TOP6BL: variants seen among roughly 807,000 people sequenced by gnomAD.
TOP6BL encodes the protein type 2 DNA topoisomerase 6 subunit B-like.
At chr11:66,753,701 C>T in the TOP6BL span, among the ~76,000 whole-genome samples, 21 of 148,520 alleles carry the variant, frequency 1.4e-4, no homozygotes, top group African/African-American at 3.7e-4. Context: ...CCACCGCGCC[C>T]GGCCATGTTT....
the TOP6BL span, among the ~76,000 whole-genome samples, chr11:66,820,836 T>C: frequency 1.3e-5 from 2 of 152,320 alleles, no homozygotes; most frequent in African/African-American, 4.8e-5. Context: ...TAAAAAATAA[T>C]GTCATTCTCC....
the TOP6BL span, among the ~76,000 whole-genome samples, chr11:66,815,079 A>G: frequency 6.6e-6 from 1 of 152,184 alleles, no homozygotes; most frequent in African/African-American, 2.4e-5. Flanking sequence ...TTCTGCGGCT[A>G]TGACTGGTAT....
chr11:66,836,700 A>AC, the TOP6BL span, among the ~76,000 whole-genome samples: 1 of 107,656 alleles, frequency 9.3e-6, no homozygotes, highest in Non-Finnish European at 1.8e-5. Context: ...AGAAAATATG[A>AC]TTTTTTTTTT....
At chr11:66,809,450 C>T in the TOP6BL span, among the ~76,000 whole-genome samples, 3 of 152,070 alleles carry the variant, frequency 2.0e-5, no homozygotes, top group South Asian at 2.1e-4. Context: ...TTATAATCCA[C>T]GTAACAAGAA....
At chr11:66,778,276 G>A in the TOP6BL span, among the ~76,000 whole-genome samples, 14 of 151,768 alleles carry the variant, frequency 9.2e-5, no homozygotes, top group African/African-American at 2.4e-4. Context: ...ACACCATGAT[G>A]TACAAATCCC....
the TOP6BL span, among the ~76,000 whole-genome samples, chr11:66,827,199 C>T: frequency 2.0e-5 from 3 of 150,606 alleles, no homozygotes; most frequent in Admixed American, 6.6e-5. Flanking sequence ...TACAGGCATG[C>T]GCCACCACGC....
At chr11:66,825,375 C>T in the TOP6BL span, among the ~76,000 whole-genome samples, 3 of 151,114 alleles carry the variant, frequency 2.0e-5, no homozygotes, top group East Asian at 5.9e-4. Flanking sequence ...CCTGTAATCC[C>T]AGCTACTTGA....
At chr11:66,775,905 C>T in the TOP6BL span, among the ~76,000 whole-genome samples, 4 of 151,946 alleles carry the variant, frequency 2.6e-5, no homozygotes, top group African/African-American at 9.7e-5. Context: ...GTTTTTGTTG[C>T]TATTATGAAT....
the TOP6BL span, chr11:66,842,986 C>A: frequency 6.4e-7 from 1 of 1,550,550 alleles, no homozygotes; most frequent in Non-Finnish European, 8.7e-7. Context: ...CGCGGCCCCC[C>A]TCACTCCTAG....
the TOP6BL span, chr11:66,756,531 C>T: frequency 2.0e-6 from 2 of 1,016,058 alleles, no homozygotes; most frequent in Non-Finnish European, 2.4e-6. Flanking sequence ...ACCTGCTCCA[C>T]ATCCTATCCA....
chr11:66,813,871 C>G, the TOP6BL span: 1 of 1,613,716 alleles, frequency 6.2e-7, no homozygotes. Flanking sequence ...ACACATATTT[C>G]TATATGGACC....
the TOP6BL span, chr11:66,801,085 C>T: frequency 6.2e-7 from 1 of 1,613,844 alleles, no homozygotes; most frequent in South Asian, 1.1e-5. Context: ...TTTTGGTCGA[C>T]TCCCAGCATT....
the TOP6BL span, among the ~76,000 whole-genome samples, chr11:66,754,341 C>G: frequency 6.6e-5 from 10 of 152,016 alleles, no homozygotes; most frequent in African/African-American, 2.2e-4. Flanking sequence ...TTTTTAAAAT[C>G]GTTTCTCTCA....
the TOP6BL span, chr11:66,813,893 C>G: frequency 6.2e-7 from 1 of 1,613,896 alleles, no homozygotes; most frequent in East Asian, 2.2e-5. Flanking sequence ...TTGGGTCTGC[C>G]TCTGATATTG....
chr11:66,748,539 A>G, the TOP6BL span: 1 of 1,497,804 alleles, frequency 6.7e-7, no homozygotes, highest in Non-Finnish European at 9.0e-7. Context: ...AAGAAAAAAT[A>G]TTTTCTATCT....
the TOP6BL span, among the ~76,000 whole-genome samples, chr11:66,800,078 A>C: frequency 6.6e-6 from 1 of 152,058 alleles, no homozygotes; most frequent in South Asian, 2.1e-4. Flanking sequence ...AAAAAAAAAA[A>C]ACCACAAAAA....
At chr11:66,839,043 A>G in the TOP6BL span, 1 of 438,882 alleles carries the variant, frequency 2.3e-6, no homozygotes. Flanking sequence ...GCACCATGTC[A>G]CTCTTAATGT....
the TOP6BL span, among the ~76,000 whole-genome samples, chr11:66,817,360 A>G: frequency 3.3e-5 from 5 of 152,230 alleles, no homozygotes; most frequent in Admixed American, 2.6e-4. Flanking sequence ...AAGGTTATCT[A>G]TGATAGAGAT....
At chr11:66,769,710 A>T in the TOP6BL span, among the ~76,000 whole-genome samples, 4 of 151,192 alleles carry the variant, frequency 2.6e-5, no homozygotes, top group Non-Finnish European at 5.9e-5. Flanking sequence ...TAGCAGTTTT[A>T]TTTATTTATT....
Sources: allele counts gnomAD v4.1 joint callset (sites outside exome capture counted in the v4.1 genomes callset), GRCh38; gene constraint gnomAD v4.1.1; transcripts MANE v1.5; gene names NCBI Gene and HGNC (gene_info 2026-07-23, HGNC 2026-07-21).